PDK1: variants seen among roughly 807,000 people sequenced by gnomAD.
PDK1 encodes pyruvate dehydrogenase kinase 1, also known as [Pyruvate dehydrogenase (acetyl-transferring)] kinase isozyme 1, mitochondrial.
Under a neutral mutation model 54.2 loss-of-function variants are expected in PDK1, and 39 were observed. That is an observed-to-expected ratio of 0.72 (90% CI 0.56 to 0.94). PDK1 has a LOEUF of 0.94. Ranked by LOEUF, PDK1 falls within the 40% of genes least tolerant of loss-of-function variation. PDK1 has a pLI of 0.00. For synonymous variants in PDK1, 221 were observed against 207.1 expected, an observed-to-expected ratio of 1.07 and a Z score of -0.58; for missense variants, 552 against 566.0, an observed-to-expected ratio of 0.98 and a Z score of 0.25.
chr2:172,633,629 G>A, the PDK1 span, among the ~76,000 whole-genome samples: 1 of 150,422 alleles, frequency 6.6e-6, no homozygotes, highest in Non-Finnish European at 1.5e-5. Context: ...ACTCCCATAA[G>A]CCAGCCTTGC....
the PDK1 span, among the ~76,000 whole-genome samples, chr2:172,658,143 A>T: frequency 6.6e-6 from 1 of 152,082 alleles, no homozygotes; most frequent in South Asian, 2.1e-4. Context: ...TGTGATGAAA[A>T]CACCTCCCAT....
At chr2:172,586,067 G>A (rs1690205995) in intron 8 of PDK1, among the ~76,000 whole-genome samples, 1 of 151,466 alleles carries the variant, frequency 6.6e-6, no homozygotes, top group African/African-American at 2.4e-5. Flanking sequence ...GCTGAGGCAG[G>A]AGAATGGCAT....
the PDK1 span, among the ~76,000 whole-genome samples, chr2:172,643,569 T>C: frequency 0.13 from 19,507 of 152,184 alleles, 1,547 homozygotes; most frequent in South Asian, 0.23. Context: ...CTTAGGTCTA[T>C]CTTCCTGGGG....
At chr2:172,634,366 G>C in the PDK1 span, among the ~76,000 whole-genome samples, 1 of 150,008 alleles carries the variant, frequency 6.7e-6, no homozygotes, top group Non-Finnish European at 1.5e-5. Flanking sequence ...TCTGCCTCTC[G>C]GGTTCAAGCG....
intron 8 of PDK1, among the ~76,000 whole-genome samples, chr2:172,571,237 A>G (rs1013897349): frequency 9.2e-5 from 14 of 152,154 alleles, no homozygotes; most frequent in Non-Finnish European, 1.5e-5. Context: ...CCTCACTTTT[A>G]CAGGTGTGGA....
the PDK1 span, among the ~76,000 whole-genome samples, chr2:172,700,625 C>G: frequency 2.6e-5 from 4 of 152,186 alleles, no homozygotes; most frequent in Non-Finnish European, 5.9e-5. Context: ...AGGCTACAAT[C>G]TCGGCACTTT....
the PDK1 span, among the ~76,000 whole-genome samples, chr2:172,645,260 C>CT: frequency 0.043 from 2,221 of 51,094 alleles, 589 homozygotes; most frequent in African/African-American, 0.078. Context: ...ACAAAATAGG[C>CT]TTTTTTTTTT....
chr2:172,560,975 G>A lies in PDK1; in HGVS notation c.339-1245G>A, dbSNP rs367956310. ...GTTTTCTTTTTGTAAGCATTATAGC[G>A]TATGGGAGAAGTTGATCTAATCGCA... On this transcript the variant is annotated intron_variant, in intron 2 of 10. Coordinates refer to ENST00000282077, the MANE Select transcript of PDK1 (RefSeq NM_002610.5). Among the ~76,000 whole-genome samples the A allele has an allele frequency of 2.3e-4, 35 of 152,286 alleles. 3 individuals are homozygous for A. Among genetic ancestry groups the A allele is most frequent in the African/African-American group, 4.1e-4 (17 of 41,556 alleles).
At chr2:172,668,906 T>TAGAGAG in the PDK1 span, among the ~76,000 whole-genome samples, 53 of 130,626 alleles carry the variant, frequency 4.1e-4, no homozygotes, top group East Asian at 6.7e-3. Context: ...TATATATATA[T>TAGAGAG]AGAGAGAGAG....
chr2:172,644,157 G>A, the PDK1 span, among the ~76,000 whole-genome samples: 1 of 145,226 alleles, frequency 6.9e-6, no homozygotes, highest in African/African-American at 2.5e-5. Flanking sequence ...AACACCTGCT[G>A]TAGGTAAGAA....
At chr2:172,623,279 G>A in the PDK1 span, among the ~76,000 whole-genome samples, 2 of 152,152 alleles carry the variant, frequency 1.3e-5, no homozygotes, top group Non-Finnish European at 2.9e-5. Flanking sequence ...AGTGTACAGA[G>A]TGCCTACCCT....
the PDK1 span, among the ~76,000 whole-genome samples, chr2:172,700,097 C>G: frequency 1.3e-5 from 2 of 152,180 alleles, no homozygotes; most frequent in Non-Finnish European, 2.9e-5. Context: ...TTAACAGCAT[C>G]CCAAGGCAGA....
At chr2:172,581,311 G>A (rs1205782291) in intron 8 of PDK1, among the ~76,000 whole-genome samples, 2 of 152,102 alleles carry the variant, frequency 1.3e-5, no homozygotes, top group East Asian at 1.9e-4. Context: ...GGCTGGTCTC[G>A]AACTGCTGAC....
At chr2:172,678,879 A>G in the PDK1 span, 1 of 152,244 alleles carries the variant, frequency 6.6e-6, no homozygotes, top group Non-Finnish European at 1.5e-5. Context: ...ATGGCTTACC[A>G]GGCTTACCCT....
chr2:172,715,660 A>G, the PDK1 span, among the ~76,000 whole-genome samples: 3 of 152,222 alleles, frequency 2.0e-5, no homozygotes, highest in Non-Finnish European at 4.4e-5. Context: ...ACACAGGCAA[A>G]GAACACATGA....
the PDK1 span, among the ~76,000 whole-genome samples, chr2:172,623,431 G>A: frequency 6.6e-6 from 1 of 152,086 alleles, no homozygotes; most frequent in African/African-American, 2.4e-5. Context: ...TTACCAAAAT[G>A]TTTTATGTTT....
At chr2:172,556,443 C>G (rs1455484190) in intron 1 of PDK1, 97 bp downstream of exon 1, 1 of 845,032 alleles carries the variant, frequency 1.2e-6, no homozygotes, top group East Asian at 3.3e-5. Flanking sequence ...CAGCTCTCGC[C>G]TGAGGCGCAC....
the PDK1 span, among the ~76,000 whole-genome samples, chr2:172,704,981 A>T: frequency 6.6e-6 from 1 of 152,340 alleles, no homozygotes; most frequent in East Asian, 1.9e-4. Context: ...TCTAACAAAC[A>T]GAGAAAACAA....
chr2:172,581,916 G>C (rs904405713), intron 8 of PDK1, among the ~76,000 whole-genome samples: 20 of 151,880 alleles, frequency 1.3e-4, no homozygotes, highest in Admixed American at 7.9e-4. Context: ...TTTTTTGTGT[G>C]TGTGTGTTTT....
Sources: allele counts gnomAD v4.1 joint callset (sites outside exome capture counted in the v4.1 genomes callset), GRCh38; gene constraint gnomAD v4.1.1; transcripts MANE v1.5; gene names NCBI Gene and HGNC (gene_info 2026-07-23, HGNC 2026-07-21).